The following PIGL variants were observed in gnomAD, a reference collection of about 807,000 sequenced individuals.
The protein encoded by PIGL is N-acetylglucosaminyl-phosphatidylinositol de-N-acetylase.
Under a neutral mutation model 31.1 loss-of-function variants are expected in PIGL, and 22 were observed. That is an observed-to-expected ratio of 0.71 (90% CI 0.51 to 1.01). PIGL has a LOEUF of 1.01. Among genes scored for constraint, PIGL ranks in the 50% least tolerant of loss-of-function variants. The pLI is 0.00. For synonymous variants in PIGL, 131 were observed against 117.4 expected (o/e 1.12, Z -0.75); for missense variants, 302 against 315.9 (o/e 0.96, Z 0.33).
intron 2 of PIGL, among the ~76,000 whole-genome samples, chr17:16,246,744 G>A: frequency 7.6e-6 from 1 of 131,618 alleles, no homozygotes; most frequent in Admixed American, 8.6e-5. Flanking sequence ...GGACTGCAGT[G>A]GCGCAATCTC....
At chr17:16,248,318 G>A (rs368012843) in intron 2 of PIGL, among the ~76,000 whole-genome samples, 14 of 152,224 alleles carry the variant, frequency 9.2e-5, no homozygotes, top group African/African-American at 3.4e-4. Context: ...ACAGTCAAGA[G>A]GACCCAGGCC....
chr17:16,245,769 T>C (rs1005211819), intron 2 of PIGL, among the ~76,000 whole-genome samples: 14 of 148,730 alleles, frequency 9.4e-5, no homozygotes, highest in Non-Finnish European at 1.9e-4. Flanking sequence ...TATATATACA[T>C]ACACACACAC....
intron 2 of PIGL, among the ~76,000 whole-genome samples, chr17:16,286,267 A>C (rs542477304): frequency 2.0e-5 from 3 of 152,200 alleles, no homozygotes; most frequent in Non-Finnish European, 4.4e-5. Context: ...CTGTTACCCA[A>C]CCCTGCTTGA....
chr17:16,228,674 C>T (rs2092664818), intron 1 of PIGL, among the ~76,000 whole-genome samples: 2 of 152,370 alleles, frequency 1.3e-5, no homozygotes, highest in Middle Eastern at 6.8e-3. Context: ...AGGCGTAAGC[C>T]ACCACGCCCG....
At chr17:16,227,578 C>CTTTTTTTTTTTTTTTTTTTTTTTTT (rs57452229) in intron 1 of PIGL, among the ~76,000 whole-genome samples, 1 of 103,196 alleles carries the variant, frequency 9.7e-6, no homozygotes. Context: ...ATTTTCTTTT[C>CTTTTTTTTTTTTTTTTTTTTTTTTT]TTTTTTTTTT....
chr17:16,300,396 T>G (rs2092999498), intron 3 of PIGL, among the ~76,000 whole-genome samples: 1 of 152,150 alleles, frequency 6.6e-6, no homozygotes, highest in African/African-American at 2.4e-5. Context: ...AAGTAAAATT[T>G]GTGACTGGGT....
intron 2 of PIGL, among the ~76,000 whole-genome samples, chr17:16,238,241 CTGGTATTA>C (rs1472608009): frequency 6.7e-6 from 1 of 150,096 alleles, no homozygotes; most frequent in Non-Finnish European, 1.5e-5. Context: ...AAAGAAGGGG[CTGGTATTA>C]TGGTATTATG....
At chr17:16,293,197 A>G (rs1382518807) in intron 2 of PIGL, among the ~76,000 whole-genome samples, 1 of 152,222 alleles carries the variant, frequency 6.6e-6, no homozygotes, top group African/African-American at 2.4e-5. Flanking sequence ...TGCCCAATGT[A>G]TACACTTTTT....
chr17:16,276,693 TG>T (rs1010152115), intron 2 of PIGL, among the ~76,000 whole-genome samples: 1 of 152,094 alleles, frequency 6.6e-6, no homozygotes, highest in African/African-American at 2.4e-5. Context: ...GGCACAATTG[TG>T]CCACTGCACT....
At position 16,217,373 on chromosome 17, in the gene PIGL, C is replaced by T. The variant is rs2092586656; in HGVS notation, c.147C>T (p.His49=). The T allele has an allele frequency of 1.9e-6, 3 of 1,614,196 alleles. No homozygotes were observed. The East Asian group carries it at 6.7e-5, about 36-fold the overall frequency. The change falls in exon 1 of 7, where the codon CAC becomes CAT. Residue 49 remains histidine, a synonymous_variant. Transcript: ENST00000225609. The stretch of plus-strand genomic sequence containing the variant: ...GCCGGACCCTGCTGGTCATAGCGCA[C>T]CCTGACGATGAAGCCATGTTTTTTG... ...AESRTLLVIA[H]PDDEAMFFAP... is the part of the protein sequence containing the mutation.
At chr17:16,312,127 C>T (rs1449874996) in intron 3 of PIGL, among the ~76,000 whole-genome samples, 9 of 145,070 alleles carry the variant, frequency 6.2e-5, no homozygotes, top group African/African-American at 1.6e-4. Context: ...GCTGGCCGGG[C>T]GGGGGCTGCC....
At chr17:16,307,601 C>T (rs2093031372) in intron 3 of PIGL, among the ~76,000 whole-genome samples, 1 of 152,120 alleles carries the variant, frequency 6.6e-6, no homozygotes. Context: ...TGATTTTAAC[C>T]CCAGTGCCTG....
intron 2 of PIGL, among the ~76,000 whole-genome samples, chr17:16,293,667 C>A (rs2092970070): frequency 6.6e-6 from 1 of 152,240 alleles, no homozygotes; most frequent in Non-Finnish European, 1.5e-5. Context: ...CCCCCTAACA[C>A]ACTTCCTTGC....
chr17:16,274,552 G>C (rs183922224), intron 2 of PIGL, among the ~76,000 whole-genome samples: 1 of 151,774 alleles, frequency 6.6e-6, no homozygotes, highest in Admixed American at 6.6e-5. Flanking sequence ...GTGAAACCTC[G>C]TCTCTACTAA....
At chr17:16,217,646 A>ATTT in intron 1 of PIGL, 185 bp downstream of exon 1, 3 of 511,614 alleles carry the variant, frequency 5.9e-6, no homozygotes, top group Admixed American at 3.6e-5. Flanking sequence ...GGGTTGGGGG[A>ATTT]CGTCGGCAGC....
chr17:16,308,482 G>A (rs1475477142), intron 3 of PIGL, among the ~76,000 whole-genome samples: 1 of 152,154 alleles, frequency 6.6e-6, no homozygotes, highest in African/African-American at 2.4e-5. Flanking sequence ...TACCCAATAT[G>A]GGACATTCAC....
intron 2 of PIGL, among the ~76,000 whole-genome samples, chr17:16,276,244 G>A (rs978516617): frequency 6.6e-6 from 1 of 152,078 alleles, no homozygotes; most frequent in Non-Finnish European, 1.5e-5. Flanking sequence ...CCATGAACTG[G>A]GCAATTGTTG....
At position 16,313,671 on chromosome 17, in the gene PIGL, A is replaced by G. The variant is rs1600859232; in HGVS notation, c.494+57A>G. On this transcript the variant is annotated intron_variant, in intron 4 of 6. Coordinates refer to ENST00000225609, the MANE Select transcript of PIGL (RefSeq NM_004278.4). ...GGGTTTGTTTATTTGATTAGGGCTC[A>G]TGGTTTAAAGTCTAAAGCACTTTCC... 4 of 1,351,978 alleles carry G rather than the reference A, an allele frequency of 3.0e-6. No homozygotes were observed. In the Admixed American group the frequency reaches 6.7e-5, roughly 23 times the overall value. 83.7% of individuals were successfully genotyped at this position (1,351,978 alleles called of 1,614,324 possible). A position where few individuals can be genotyped will look rare whatever the true frequency, so the allele number is the denominator to read the frequency against.
chr17:16,298,061 C>T (rs911188250), intron 2 of PIGL, among the ~76,000 whole-genome samples: 1 of 152,074 alleles, frequency 6.6e-6, no homozygotes, highest in African/African-American at 2.4e-5. Context: ...GATCTAATGC[C>T]CCCCACCCCT....
Sources: gnomAD v4.1 joint callset for allele counts (sites outside exome capture counted in the v4.1 genomes callset) on GRCh38, gnomAD v4.1.1 for gene constraint, MANE v1.5 for transcripts, NCBI Gene and HGNC (gene_info 2026-07-23, HGNC 2026-07-21) for gene names.